Variants in AATK observed in about 807,000 individuals in gnomAD.
AATK encodes the protein serine/threonine-protein kinase LMTK1.
AATK carries 91 observed loss-of-function variants against 114.3 expected under a neutral mutation model. That is an observed-to-expected ratio of 0.80 (90% CI 0.67 to 0.95). AATK has a LOEUF of 0.95. Ranked by LOEUF, AATK falls within the 40% of genes least tolerant of loss-of-function variation. The pLI is 0.00. For missense variants in AATK, 2,176 were observed against 1,965.2 expected (o/e 1.11, Z -2.03); for synonymous variants, 1,075 against 916.5 (o/e 1.17, Z -3.12).
chr17:81,150,132 G>A (rs1192663355), intron 1 of AATK, among the ~76,000 whole-genome samples: 1 of 151,860 alleles, frequency 6.6e-6, no homozygotes, highest in Non-Finnish European at 1.5e-5. Context: ...GACCACTGAT[G>A]GGTGCGGGGC....
In AATK at chr17:81,120,873, G is replaced by C. The variant is rs756631773; in HGVS notation, c.3063C>G (p.Pro1021=). 3.8e-6 allele frequency: 6 copies of C among 1,578,358 alleles called. No homozygotes were observed. Among genetic ancestry groups the C allele is most frequent in the South Asian group, 2.3e-5 (2 of 86,792 alleles). The stretch of plus-strand genomic sequence containing the variant: ...TGCTCGGCAGGCCCAGCTCTGGCCC[G>C]GGGGCTCGGTCCCCGCCGCACTTCT... ...PEKKCGGDRA[P]GPELGLPSTG... is the part of the protein sequence containing the mutation. The change falls in exon 11 of 14, where the codon CCC becomes CCG. Residue 1021 remains proline, a synonymous_variant. Transcript: ENST00000326724.
rs577458342 is a variant in AATK at position 81,122,282 on chromosome 17, G to A, written c.1654C>T (p.Pro552Ser). The A allele has an allele frequency of 1.8e-4, 270 of 1,500,350 alleles. 4 individuals carry two copies. In the South Asian group the frequency reaches 3.1e-3, roughly 17 times the overall value. 92.9% of individuals were successfully genotyped at this position (1,500,350 alleles called of 1,614,324 possible). A position where few individuals can be genotyped will look rare whatever the true frequency, so the allele number is the denominator to read the frequency against. The change falls in exon 11 of 14, where the codon CCC becomes TCC. Residue 552 changes from proline to serine, a missense_variant. By Grantham distance (74) the Pro-to-Ser change is moderately conservative. Transcript: ENST00000326724. ...GHDPDCAGCA[P>S]SPPATADQDD... Reference sequence around the variant, plus strand: ...TGGTCCGCGGTGGCAGGTGGACTGGGGGCGCAGCCGGCGCAGTCAGGGTCG... The same window carrying A: ...TGGTCCGCGGTGGCAGGTGGACTGGAGGCGCAGCCGGCGCAGTCAGGGTCG...
At chr17:81,156,246 A>G (rs2061364854) in intron 1 of AATK, among the ~76,000 whole-genome samples, 1 of 151,838 alleles carries the variant, frequency 6.6e-6, no homozygotes, top group Admixed American at 6.6e-5. Flanking sequence ...CTATGTTACA[A>G]TGTATGTTAC....
At position 81,121,769 on chromosome 17, in the gene AATK, A is replaced by G; in HGVS notation, c.2167T>C (p.Tyr723His). Residue 723 changes from tyrosine (Y) to histidine (H), a missense_variant, in exon 11 of 14, where the codon TAC (tyrosine) becomes CAC (histidine). Around this residue, in one of 4 missense-constraint regions of AATK, gnomAD observed 1,701 missense variants for 1,394.7 expected, o/e 1.22. Transcript: ENST00000326724. ...AGCCCAAGCAGAGGCTCTCCAGGGT[A>G]CCCCGGCTCGGGGGAGGCCCGTGGG... ...QTPRASPEPG[Y>H]PGEPLLGLQA... 6.5e-7 allele frequency: 1 copy of G among 1,533,274 alleles called. No homozygotes were observed. Among genetic ancestry groups the G allele is most frequent in the East Asian group, 2.4e-5 (1 of 42,370 alleles). The allele number at this position is 1,533,274 out of a possible 1,614,324, so 95.0% of individuals were successfully genotyped here.
rs370718149 is a variant in AATK, at chr17:81,121,368, G to C, written c.2568C>G (p.Pro856=). Reference sequence around the variant, plus strand: ...CGGCCGTGTCCTCATCCTCACTGCTGGGTGCCTCCACCTCGGGAGAGCTGC... The same window carrying C: ...CGGCCGTGTCCTCATCCTCACTGCTCGGTGCCTCCACCTCGGGAGAGCTGC... ...GSSSSPEVEA[P]SSEDEDTAEA... The change falls in exon 11 of 14, where the codon CCC becomes CCG. Residue 856 remains proline, a synonymous_variant. Transcript: ENST00000326724. The C allele has an allele frequency of 5.0e-6, 8 of 1,611,664 alleles. No homozygotes were observed. The highest frequency in any genetic ancestry group is 1.3e-5 in the African/African-American group (1 of 74,940).
At chr17:81,137,636 A>C (rs1457569743) in intron 1 of AATK, among the ~76,000 whole-genome samples, 4 of 152,128 alleles carry the variant, frequency 2.6e-5, no homozygotes, top group Admixed American at 2.6e-4. Context: ...GGGAACCATG[A>C]CACTTGTTGT....
intron 1 of AATK, among the ~76,000 whole-genome samples, chr17:81,137,880 ACAGG>A (rs1284707109): frequency 1.3e-5 from 2 of 151,816 alleles, no homozygotes; most frequent in African/African-American, 2.4e-5. Context: ...CCATACCCGC[ACAGG>A]CATATACCCA....
chr17:81,159,451 C>T (rs1169115991), intron 1 of AATK, among the ~76,000 whole-genome samples: 1 of 152,154 alleles, frequency 6.6e-6, no homozygotes, highest in Admixed American at 6.5e-5. Flanking sequence ...GACCCGCACC[C>T]CGGAGGTCAG....
chr17:81,119,318 C>T lies in AATK; in HGVS notation c.4084+62G>A, dbSNP rs533649694. 63 of 1,485,168 alleles carry T rather than the reference C, an allele frequency of 4.2e-5. 1 individual carries two copies. The Middle Eastern group carries it at 6.7e-4, about 16-fold the overall frequency. The allele number at this position is 1,485,168 out of a possible 1,614,324, so 92.0% of individuals were successfully genotyped here. ...CAGGACCTAGACGGAGGGGCCCCACCCTCGGAGCTCCGTGCCCTGCCTCCC... is the reference window on the plus strand; with the variant it reads ...CAGGACCTAGACGGAGGGGCCCCACTCTCGGAGCTCCGTGCCCTGCCTCCC... On this transcript the variant is annotated intron_variant, in intron 13 of 13. Transcript: ENST00000326724.
chr17:81,158,221 C>A (rs1021218176), intron 1 of AATK, among the ~76,000 whole-genome samples: 17 of 152,250 alleles, frequency 1.1e-4, no homozygotes, highest in African/African-American at 3.9e-4. Flanking sequence ...CCAGACCCCG[C>A]GGCAGAGAGC....
At position 81,122,679 on chromosome 17, in the gene AATK, G is replaced by C; in HGVS notation, c.1257C>G (p.Pro419=). The C allele has an allele frequency of 5.2e-6, 8 of 1,533,100 alleles. No homozygotes were observed. Among genetic ancestry groups the C allele is most frequent in the Non-Finnish European group, 7.0e-6 (8 of 1,137,374 alleles). 95.0% of individuals were successfully genotyped at this position (1,533,100 alleles called of 1,614,324 possible). The part of the protein sequence containing the change: ...EFERRWRSLR[P]GGGGVGPGPG... The stretch of plus-strand genomic sequence containing the variant: ...GCCCGGGCCCCACGCCGCCCCCGCC[G>C]GGCCGCAGAGAGCGCCAGCGCCGTT... The change falls in exon 11 of 14, where the codon CCC becomes CCG. Residue 419 remains proline (P), a synonymous_variant. Transcript: ENST00000326724.
intron 2 of AATK, among the ~76,000 whole-genome samples, chr17:81,131,591 G>C (rs971840662): frequency 2.6e-5 from 4 of 152,130 alleles, no homozygotes; most frequent in Admixed American, 2.0e-4. Flanking sequence ...CCCCACCTTG[G>C]GGCCTGAGGG....
rs187634620 is a variant in AATK at position 81,119,754 on chromosome 17, G to A, written c.3884-174C>T. Among the ~76,000 whole-genome samples the A allele has an allele frequency of 0.015, 2,130 of 144,806 alleles. 51 individuals are homozygous for A. Among genetic ancestry groups the A allele is most frequent in the African/African-American group, 0.052 (2,021 of 38,634 alleles). The allele number at this position is 144,806 out of a possible 152,430, so 95.0% of individuals were successfully genotyped here. ...TCCCATGCAGCACGGACAAGGCCCC[G>A]CCTTCCGTGACGTCACGTACCAGAC... On this transcript the variant is annotated intron_variant, in intron 12 of 13. Transcript: ENST00000326724.
intron 1 of AATK, among the ~76,000 whole-genome samples, chr17:81,139,255 C>G (rs1436673852): frequency 6.6e-6 from 1 of 152,206 alleles, no homozygotes; most frequent in Non-Finnish European, 1.5e-5. Context: ...CATGCCTGCC[C>G]CTCCACAAGC....
At chr17:81,136,200 T>C (rs1322122701) in intron 1 of AATK, 1 of 152,374 alleles carries the variant, frequency 6.6e-6, no homozygotes, top group African/African-American at 2.4e-5. Context: ...CCTTCGCCCA[T>C]GCCCTCCTGG....
Position 81,119,491 on chromosome 17 carries a change from C to T in AATK, c.3973G>A (p.Ala1325Thr). The T allele has an allele frequency of 1.3e-6, 2 of 1,498,246 alleles. No homozygotes were observed. Among genetic ancestry groups the T allele is most frequent in the Non-Finnish European group, 8.9e-7 (1 of 1,122,122 alleles). 92.8% of individuals were successfully genotyped at this position (1,498,246 alleles called of 1,614,324 possible). ...GGAGCGGGCGTGGGCGTGGGCGCAG[C>T]CGGGGCGGGTGCGGCCGGGTCTAGG... is the stretch of plus-strand genomic sequence containing the variant. The part of the protein sequence containing the change: ...MALDPAAPAP[A>T]APTPTPAPFS... Residue 1325 changes from alanine to threonine, a missense_variant, in exon 13 of 14, where the codon GCT becomes ACT. By Grantham distance (58) the Ala-to-Thr change is moderately conservative. This residue lies in a region of AATK where 1,701 missense variants were observed against 1,394.7 expected (regional missense o/e 1.22). Transcript: ENST00000326724.
chr17:81,165,960 G>A lies in AATK; in HGVS notation c.33C>T (p.Ala11=). Residue 11 remains alanine, a synonymous_variant, in exon 1 of 14, where the codon GCC becomes GCT. Coordinates refer to ENST00000326724, the MANE Select transcript of AATK (RefSeq NM_001080395.3). MSSSFFNPSF[A]FSSHFDPDGA... is the part of the protein sequence containing the mutation. ...CACCGGGGTCGAAGTGCGAGCTGAAGGCGAAGCTGGGGTTGAAGAAGGACG... is the reference window on the plus strand; with the variant it reads ...CACCGGGGTCGAAGTGCGAGCTGAAAGCGAAGCTGGGGTTGAAGAAGGACG... The A allele has an allele frequency of 6.3e-7, 1 of 1,585,816 alleles. No homozygotes were observed. Among genetic ancestry groups the A allele is most frequent in the Non-Finnish European group, 8.6e-7 (1 of 1,167,674 alleles).
At chr17:81,151,533 C>G (rs1000566030) in intron 1 of AATK, among the ~76,000 whole-genome samples, 7 of 152,240 alleles carry the variant, frequency 4.6e-5, no homozygotes, top group Non-Finnish European at 8.8e-5. Flanking sequence ...CGGCCTCCCC[C>G]ATCTGGCTGG....
chr17:81,162,727 C>T (rs1009018529), intron 1 of AATK, among the ~76,000 whole-genome samples: 1 of 152,242 alleles, frequency 6.6e-6, no homozygotes, highest in Non-Finnish European at 1.5e-5. Context: ...TGGCCAGGCA[C>T]AGGCACTTCT....
Sources: allele counts gnomAD v4.1 joint callset (sites outside exome capture counted in the v4.1 genomes callset), GRCh38; gene constraint gnomAD v4.1.1; regional missense constraint gnomAD v4.1.1; transcripts MANE v1.5; gene names NCBI Gene and HGNC (gene_info 2026-07-23, HGNC 2026-07-21).